POSTN: variants seen among roughly 807,000 people sequenced by gnomAD.
POSTN encodes the protein osteoblast specific factor 2 (fasciclin I-like).
Under a neutral mutation model 104.5 loss-of-function variants are expected in POSTN, and 71 were observed. The observed-to-expected ratio is 0.68, with a 90% CI of 0.56 to 0.83. The LOEUF (loss-of-function observed/expected upper bound fraction) is 0.83. POSTN is among the 40% of genes least tolerant of loss of function. The pLI is 0.00. For synonymous variants in POSTN, 355 were observed against 340.7 expected, an observed-to-expected ratio of 1.04 and a Z score of -0.46; for missense variants, 949 against 1,006.8, an observed-to-expected ratio of 0.94 and a Z score of 0.78.
chr13:37,564,353 T>C (rs940955633), intron 22 of POSTN, among the ~76,000 whole-genome samples, 166 bp downstream of exon 22: 2 of 151,202 alleles, frequency 1.3e-5, no homozygotes, highest in African/African-American at 4.8e-5. Flanking sequence ...ATGAGAAATT[T>C]ATTTTCTGAT....
intron 18 of POSTN, 57 bp downstream of exon 18, chr13:37,571,312 C>A: frequency 8.8e-7 from 1 of 1,130,496 alleles, no homozygotes; most frequent in Non-Finnish European, 1.3e-6. Context: ...TAAACCAACA[C>A]TATTTCAAAA....
intron 21 of POSTN, chr13:37,568,999 C>A (rs985469992): frequency 3.1e-5 from 6 of 191,936 alleles, no homozygotes; most frequent in Non-Finnish European, 6.3e-5. Flanking sequence ...AGCAATTTAA[C>A]AATTATTTCC....
intron 4 of POSTN, among the ~76,000 whole-genome samples, chr13:37,589,127 C>A (rs764939298): frequency 5.9e-5 from 9 of 151,958 alleles, no homozygotes; most frequent in Non-Finnish European, 1.3e-4. Context: ...TTTTAGATAA[C>A]TTTTGTTTAA....
chr13:37,593,067 G>A lies in POSTN; in HGVS notation c.219-903C>T, dbSNP rs149419265. Among the ~76,000 whole-genome samples, 1,231 of 150,708 alleles carry A rather than the reference G, an allele frequency of 8.2e-3. 15 individuals are homozygous for A. The highest frequency in any genetic ancestry group is 0.029 in the African/African-American group (1,181 of 41,324). On this transcript the variant is annotated intron_variant, in intron 2 of 22. Transcript: ENST00000379747. ...GTAAAATTTGATAAAAATAATCTAA[G>A]TAAGTTTATTTTAATATTAGAGTTT...
At chr13:37,598,052 G>T (rs529484593) in intron 1 of POSTN, among the ~76,000 whole-genome samples, 1 of 152,230 alleles carries the variant, frequency 6.6e-6, no homozygotes, top group African/African-American at 2.4e-5. Flanking sequence ...CTTAGTTGTA[G>T]TTGCATTAGT....
chr13:37,563,512 C>G, intron 22 of POSTN, 142 bp from the exon 23 acceptor site: 1 of 395,638 alleles, frequency 2.5e-6, no homozygotes, highest in Non-Finnish European at 4.5e-6. Context: ...ATATCTTCAA[C>G]TTATGGTGAA....
intron 18 of POSTN, 137 bp downstream of exon 18, chr13:37,571,232 G>T: frequency 1.6e-6 from 1 of 607,226 alleles, no homozygotes; most frequent in Non-Finnish European, 2.8e-6. Flanking sequence ...AGAACTCATA[G>T]CTGAGGAAAT....
chr13:37,593,654 G>A (rs1012317932), intron 2 of POSTN, among the ~76,000 whole-genome samples: 1 of 151,248 alleles, frequency 6.6e-6, no homozygotes, highest in African/African-American at 2.4e-5. Context: ...TGTCTTAATT[G>A]TATTCAAGAA....
intron 7 of POSTN, 127 bp from the exon 8 acceptor site, chr13:37,585,055 A>G (rs1032018447): frequency 7.1e-7 from 1 of 1,415,944 alleles, no homozygotes; most frequent in Non-Finnish European, 9.3e-7. Flanking sequence ...ATTCACTAAC[A>G]GCTTTAAAAT....
intron 12 of POSTN, 31 bp from the exon 13 acceptor site, chr13:37,579,390 A>G (rs770029356): frequency 6.7e-7 from 1 of 1,501,322 alleles, no homozygotes; most frequent in East Asian, 2.3e-5. Flanking sequence ...ATTTTTATTG[A>G]ATAATATGAC....
chr13:37,584,785 T>A lies in POSTN; in HGVS notation c.1039A>T (p.Asn347Tyr). ...TTATTTGTCACAATATCCTTTTTGT[T>A]CACCATTTTGATTCCATTTACTGTT... ...SITVNGIKMV[N>Y]KKDIVTNNGV... Residue 347 changes from asparagine to tyrosine, a missense_variant, in exon 8 of 23, where the codon AAC (asparagine) becomes TAC (tyrosine). By Grantham distance (143) the Asn-to-Tyr change is moderately radical. Coordinates refer to ENST00000379747, the MANE Select transcript of POSTN (RefSeq NM_006475.3). 1 of 1,613,990 alleles carries A rather than the reference T, an allele frequency of 6.2e-7. No homozygotes were observed. The highest frequency in any genetic ancestry group is 8.5e-7 in the Non-Finnish European group (1 of 1,179,934).
At position 37,564,550 on chromosome 13, in the gene POSTN, C is replaced by T; in HGVS notation, c.2442G>A (p.Val814=). ...IKRLLQGDTP[V]RKLQANKKVQ... is the part of the protein sequence containing the mutation. Reference sequence around the variant, plus strand: ...CTTTTTTGTTGGCTTGCAACTTCCTCACGGGTGTGTCTAAAATTAAATTGT... The same window carrying T: ...CTTTTTTGTTGGCTTGCAACTTCCTTACGGGTGTGTCTAAAATTAAATTGT... The change falls in exon 22 of 23, where the codon GTG becomes GTA. Residue 814 remains valine, a synonymous_variant. Coordinates refer to ENST00000379747, the MANE Select transcript of POSTN (RefSeq NM_006475.3). 1 of 1,599,412 alleles carries T rather than the reference C, an allele frequency of 6.3e-7. No individual in the cohort carries two copies. The highest frequency in any genetic ancestry group is 8.6e-7 in the Non-Finnish European group (1 of 1,168,792).
At position 37,598,684 on chromosome 13, in the gene POSTN, T is replaced by C; in HGVS notation, c.43A>G (p.Ile15Val). 1.9e-6 allele frequency: 3 copies of C among 1,613,480 alleles called. No individual in the cohort carries two copies. Among genetic ancestry groups the C allele is most frequent in the Non-Finnish European group, 2.5e-6 (3 of 1,179,510 alleles). The stretch of plus-strand genomic sequence containing the variant: ...TTGTTGGCGTTTATAGGGTTAACAA[T>C]AAGCAGCAATAGTAGAGAAAACATG... ...LPMFSLLLLL[I>V]VNPINANNHY... The change falls in exon 1 of 23, where the codon ATT becomes GTT. Residue 15 changes from isoleucine to valine, a missense_variant. Transcript: ENST00000379747.
At chr13:37,573,850 G>A (rs1461274760) in intron 17 of POSTN, among the ~76,000 whole-genome samples, 1 of 151,422 alleles carries the variant, frequency 6.6e-6, no homozygotes, top group Admixed American at 6.6e-5. Flanking sequence ...GTTGAAGTTG[G>A]CTAACATACA....
intron 2 of POSTN, among the ~76,000 whole-genome samples, chr13:37,592,916 G>C (rs7338244): frequency 0.23 from 35,051 of 151,930 alleles, 4,679 homozygotes; most frequent in East Asian, 0.69. Context: ...AAAATACATT[G>C]ACCCATTGGA....
At chr13:37,596,339 A>G (rs1470190056) in intron 2 of POSTN, among the ~76,000 whole-genome samples, 1 of 152,106 alleles carries the variant, frequency 6.6e-6, no homozygotes, top group Admixed American at 6.6e-5. Context: ...TTCTGATTGC[A>G]TTACTTGCCC....
At chr13:37,570,946 G>A in intron 18 of POSTN, 1 of 343,036 alleles carries the variant, frequency 2.9e-6, no homozygotes, top group Middle Eastern at 8.6e-4. Context: ...TACTTAGTGA[G>A]AATCCAGGGA....
intron 17 of POSTN, among the ~76,000 whole-genome samples, chr13:37,573,757 C>T (rs894470036): frequency 1.3e-5 from 2 of 151,330 alleles, no homozygotes; most frequent in African/African-American, 2.4e-5. Flanking sequence ...CATTAAGATG[C>T]TTATACATGG....
At chr13:37,591,539 G>A (rs1950934683) in intron 3 of POSTN, among the ~76,000 whole-genome samples, 1 of 152,136 alleles carries the variant, frequency 6.6e-6, no homozygotes, top group South Asian at 2.1e-4. Flanking sequence ...GGGCTTCAAA[G>A]TCTGTGTCAT....
Sources: allele counts gnomAD v4.1 joint callset (sites outside exome capture counted in the v4.1 genomes callset), GRCh38; gene constraint gnomAD v4.1.1; transcripts MANE v1.5; gene names NCBI Gene and HGNC (gene_info 2026-07-23, HGNC 2026-07-21).